ERBB4: variants seen among roughly 807,000 people sequenced by gnomAD.
ERBB4 encodes receptor tyrosine-protein kinase erbB-4.
Under a neutral mutation model 158.0 loss-of-function variants are expected in ERBB4, and 42 were observed. That is an observed-to-expected ratio of 0.27 (90% confidence interval 0.21 to 0.34). ERBB4 has a LOEUF of 0.34. Ranked by LOEUF, ERBB4 falls within the 10% of genes least tolerant of loss-of-function variation. The pLI is 1.00. For missense variants in ERBB4, 1,333 were observed against 1,624.1 expected (o/e 0.82, Z 3.08); for synonymous variants, 583 against 558.7 (o/e 1.04, Z -0.61).
intron 1 of ERBB4, among the ~76,000 whole-genome samples, chr2:212,491,200 A>C (rs1690259144): frequency 6.6e-6 from 1 of 151,688 alleles, no homozygotes; most frequent in Admixed American, 6.6e-5. Context: ...GAGGTTCGCA[A>C]ATCAGTTTAC....
chr2:211,766,602 G>A (rs2075554895), intron 4 of ERBB4, among the ~76,000 whole-genome samples: 1 of 152,184 alleles, frequency 6.6e-6, no homozygotes, highest in Non-Finnish European at 1.5e-5. Context: ...ATTTAATTGT[G>A]AAACTGAATT....
intron 3 of ERBB4, among the ~76,000 whole-genome samples, chr2:211,919,410 T>C (rs2079797701): frequency 6.6e-6 from 1 of 152,056 alleles, no homozygotes; most frequent in Non-Finnish European, 1.5e-5. Flanking sequence ...TAGGATATCT[T>C]ACAGGGAGAA....
chr2:211,395,322 A>ACTC (rs2125338921), intron 25 of ERBB4, among the ~76,000 whole-genome samples: 1 of 152,086 alleles, frequency 6.6e-6, no homozygotes, highest in East Asian at 1.9e-4. Flanking sequence ...ACAGATAGAG[A>ACTC]CTCTGACACT....
At chr2:212,143,638 T>C (rs2080559274) in intron 1 of ERBB4, among the ~76,000 whole-genome samples, 2 of 152,140 alleles carry the variant, frequency 1.3e-5, no homozygotes, top group South Asian at 2.1e-4. Context: ...ATTAAGTTTC[T>C]ATCCCACAGA....
chr2:211,889,802 A>G (rs1398876957), intron 3 of ERBB4, among the ~76,000 whole-genome samples: 1 of 152,138 alleles, frequency 6.6e-6, no homozygotes, highest in Non-Finnish European at 1.5e-5. Context: ...AAGAAAGGGT[A>G]TCAGCAATGT....
At chr2:211,707,401 A>G (rs1396464796) in intron 9 of ERBB4, among the ~76,000 whole-genome samples, 1 of 152,188 alleles carries the variant, frequency 6.6e-6, no homozygotes, top group South Asian at 2.1e-4. Context: ...GCAAAAGAAC[A>G]CTACGTCTAC....
chr2:212,227,053 C>A (rs1457398491), intron 1 of ERBB4, among the ~76,000 whole-genome samples: 1 of 152,020 alleles, frequency 6.6e-6, no homozygotes, highest in African/African-American at 2.4e-5. Flanking sequence ...TGAGACCAGC[C>A]TGATCAACAT....
chr2:211,580,897 A>T (rs1186285247), intron 19 of ERBB4, among the ~76,000 whole-genome samples: 1 of 8,478 alleles, frequency 1.2e-4, no homozygotes, highest in African/African-American at 2.2e-4. Context: ...ATATATATAT[A>T]TATATATATA....
chr2:212,047,678 T>C (rs2077292023), intron 2 of ERBB4, among the ~76,000 whole-genome samples: 1 of 151,226 alleles, frequency 6.6e-6, no homozygotes, highest in African/African-American at 2.4e-5. Context: ...GAGATGGGGT[T>C]TCACCATGTT....
At chr2:212,497,400 T>C (rs1690642531) in intron 1 of ERBB4, among the ~76,000 whole-genome samples, 1 of 152,188 alleles carries the variant, frequency 6.6e-6, no homozygotes, top group African/African-American at 2.4e-5. Context: ...CAATCTTAAT[T>C]GAGAATTCTC....
chr2:211,924,168 C>A (rs1221074451), intron 3 of ERBB4, among the ~76,000 whole-genome samples: 1 of 152,160 alleles, frequency 6.6e-6, no homozygotes, highest in Non-Finnish European at 1.5e-5. Flanking sequence ...AGCCCTGTGG[C>A]AGCTATGGAC....
At chr2:212,058,104 G>A (rs1342646068) in intron 2 of ERBB4, among the ~76,000 whole-genome samples, 2 of 151,970 alleles carry the variant, frequency 1.3e-5, no homozygotes, top group African/African-American at 2.4e-5. Context: ...ATGATAAAGG[G>A]GATATCACCA....
At chr2:211,847,527 C>CTG (rs1431670210) in intron 3 of ERBB4, among the ~76,000 whole-genome samples, 1 of 152,142 alleles carries the variant, frequency 6.6e-6, no homozygotes, top group Non-Finnish European at 1.5e-5. Context: ...GGCAAAGATA[C>CTG]TATACAGCAA....
chr2:211,827,343 A>C (rs1283521630), intron 3 of ERBB4, among the ~76,000 whole-genome samples: 1 of 152,044 alleles, frequency 6.6e-6, no homozygotes, highest in Non-Finnish European at 1.5e-5. Context: ...TCTGCAAGAC[A>C]CAATAAGAAG....
chr2:211,665,716 T>C (rs1251995693), intron 14 of ERBB4, among the ~76,000 whole-genome samples: 2 of 152,204 alleles, frequency 1.3e-5, no homozygotes, highest in East Asian at 3.9e-4. Flanking sequence ...TAATAATGTA[T>C]TTGTGCTTGA....
intron 4 of ERBB4, among the ~76,000 whole-genome samples, chr2:211,751,583 T>C (rs1193664028): frequency 6.6e-6 from 1 of 152,256 alleles, no homozygotes; most frequent in Non-Finnish European, 1.5e-5. Flanking sequence ...ATGCTTCTTA[T>C]TAAACATTGT....
chr2:211,882,321 C>T (rs936722525), intron 3 of ERBB4, among the ~76,000 whole-genome samples: 1 of 152,114 alleles, frequency 6.6e-6, no homozygotes, highest in African/African-American at 2.4e-5. Context: ...TGGCTGGTAT[C>T]ATTGTTTATA....
chr2:212,262,951 C>T (rs2084998692), intron 1 of ERBB4, among the ~76,000 whole-genome samples: 1 of 152,066 alleles, frequency 6.6e-6, no homozygotes, highest in African/African-American at 2.4e-5. Flanking sequence ...AGATTGTCCC[C>T]TCAAATTCAT....
At chr2:212,161,258 A>C (rs563755858) in intron 1 of ERBB4, among the ~76,000 whole-genome samples, 12 of 152,036 alleles carry the variant, frequency 7.9e-5, no homozygotes, top group Admixed American at 7.2e-4. Flanking sequence ...ATTGAGTACA[A>C]AGAAGTTTCT....
Sources: allele counts gnomAD v4.1 joint callset (sites outside exome capture counted in the v4.1 genomes callset), GRCh38; gene constraint gnomAD v4.1.1; transcripts MANE v1.5; gene names NCBI Gene and HGNC (gene_info 2026-07-23, HGNC 2026-07-21).